Variants in PCDHA12 observed in about 807,000 individuals in gnomAD.
The protein encoded by PCDHA12 is protocadherin alpha 12.
Under a neutral mutation model 60.0 loss-of-function variants are expected in PCDHA12, and 44 were observed. That is an observed-to-expected ratio of 0.73 (90% CI 0.58 to 0.94). The LOEUF (loss-of-function observed/expected upper bound fraction) is 0.94. PCDHA12 is among the 40% of genes least tolerant of loss of function. The pLI is 0.00. For missense variants in PCDHA12, 1,276 were observed against 1,239.7 expected (o/e 1.03, Z -0.44); for synonymous variants, 569 against 553.0 (o/e 1.03, Z -0.40).
chr5:140,887,972 A>C (rs1169769147), intron 1 of PCDHA12, among the ~76,000 whole-genome samples: 1 of 152,114 alleles, frequency 6.6e-6, no homozygotes, highest in Non-Finnish European at 1.5e-5. Context: ...TCTCTTTTAA[A>C]ATTTATTTTA....
At chr5:140,912,170 T>C (rs961907962) in intron 1 of PCDHA12, among the ~76,000 whole-genome samples, 6 of 152,202 alleles carry the variant, frequency 3.9e-5, no homozygotes, top group African/African-American at 9.7e-5. Flanking sequence ...CTGGCTGTGC[T>C]GGCAGCTGAT....
intron 3 of PCDHA12, among the ~76,000 whole-genome samples, chr5:140,991,146 G>A (rs2097434554): frequency 6.6e-6 from 1 of 151,978 alleles, no homozygotes; most frequent in African/African-American, 2.4e-5. Context: ...AATGTTTTTT[G>A]CTCACCATTG....
At chr5:140,896,000 AG>A (rs1239259521) in intron 1 of PCDHA12, among the ~76,000 whole-genome samples, 1 of 152,064 alleles carries the variant, frequency 6.6e-6, no homozygotes, top group Non-Finnish European at 1.5e-5. Flanking sequence ...AAGTAGAGAC[AG>A]GGTTTCTCCA....
At chr5:140,969,347 G>C (rs1554231707) in intron 1 of PCDHA12, 1 of 1,613,472 alleles carries the variant, frequency 6.2e-7, no homozygotes, top group South Asian at 1.1e-5. Context: ...ACAGTGGTCA[G>C]GGGGTCTTCT....
Position 140,875,986 on chromosome 5 carries a change from T to C in PCDHA12, c.514T>C (p.Leu172=). ...IGVNSLLTYA[L]SLNENFELKI... The stretch of plus-strand genomic sequence containing the variant: ...CGTAAACTCTCTTTTGACCTATGCG[T>C]TAAGTCTAAATGAGAATTTTGAGCT... The change falls in exon 1 of 4, where the codon TTA becomes CTA. Residue 172 remains leucine, a synonymous_variant. Transcript: ENST00000398631. The C allele has an allele frequency of 6.2e-7, 1 of 1,613,998 alleles. No homozygotes were observed. The highest frequency in any genetic ancestry group is 2.2e-5 in the East Asian group (1 of 44,890).
At chr5:140,923,165 A>G (rs1307354165) in intron 1 of PCDHA12, among the ~76,000 whole-genome samples, 1 of 152,148 alleles carries the variant, frequency 6.6e-6, no homozygotes. Context: ...AGAAAGATAA[A>G]TTTTTGTTCA....
chr5:141,009,739 C>A lies in PCDHA12; in HGVS notation c.2628C>A (p.Pro876=), dbSNP rs370989006. Residue 876 remains proline, a synonymous_variant, in exon 4 of 4, where the codon CCC becomes CCA. Transcript: ENST00000398631. ...AACAATCCGGTCCCGGTGAGTTGCC[C>A]GACAAATTCATTATCCCAGGATCTC... ...NPKQSGPGEL[P]DKFIIPGSPA... 2 of 1,614,010 alleles carry A rather than the reference C, an allele frequency of 1.2e-6. No homozygotes were observed. Among genetic ancestry groups the A allele is most frequent in the Non-Finnish European group, 1.7e-6 (2 of 1,180,008 alleles).
In PCDHA12 at chr5:140,936,286, A is replaced by G. The variant is rs73266055; in HGVS notation, c.2368-42663A>G. Among the ~76,000 whole-genome samples the G allele has an allele frequency of 3.3e-3, 501 of 152,358 alleles. 2 individuals are homozygous for G. The highest frequency in any genetic ancestry group is 0.012 in the African/African-American group (482 of 41,580). On this transcript the variant is annotated intron_variant, in intron 1 of 3. Transcript: ENST00000398631. ...AAGATATATTCCTGTGTTTTCTTCT[A>G]TAACATTGCTATCCAATAGAACTTT...
chr5:140,988,021 T>C (rs2097278466), intron 3 of PCDHA12, among the ~76,000 whole-genome samples: 1 of 152,216 alleles, frequency 6.6e-6, no homozygotes. Context: ...AGCATGATTC[T>C]TAAGTTTTTT....
chr5:140,974,720 C>T (rs1554236283), intron 1 of PCDHA12, among the ~76,000 whole-genome samples: 1 of 152,070 alleles, frequency 6.6e-6, no homozygotes, highest in African/African-American at 2.4e-5. Context: ...AAGCTGCTCT[C>T]GAACTCCTGT....
At chr5:140,936,577 A>G (rs776415020) in intron 1 of PCDHA12, among the ~76,000 whole-genome samples, 1 of 152,186 alleles carries the variant, frequency 6.6e-6, no homozygotes, top group Non-Finnish European at 1.5e-5. Flanking sequence ...TCCACTTGTA[A>G]ATCCAGTTAG....
Position 140,963,207 on chromosome 5 carries a change from C to A in PCDHA12, c.2368-15742C>A, listed in dbSNP as rs180756619. Among the ~76,000 whole-genome samples, 890 of 148,428 alleles carry A rather than the reference C, an allele frequency of 6.0e-3. 8 individuals are homozygous for A. Among genetic ancestry groups the A allele is most frequent in the African/African-American group, 0.021 (788 of 38,366 alleles). On this transcript the variant is annotated intron_variant, in intron 1 of 3. Transcript: ENST00000398631. Reference sequence around the variant, plus strand: ...TAGACTGTGAAAATGAAAAAAAAAACCTCGTGTTTAGAGTAGACACTGTTT... The same window carrying A: ...TAGACTGTGAAAATGAAAAAAAAAAACTCGTGTTTAGAGTAGACACTGTTT...
chr5:140,876,732 C>T lies in PCDHA12; in HGVS notation c.1260C>T (p.Ala420=). Residue 420 remains alanine, a synonymous_variant, in exon 1 of 4, where the codon GCC becomes GCT. Coordinates refer to ENST00000398631, the MANE Select transcript of PCDHA12 (RefSeq NM_018903.4). ...DSALDRESVS[A]YELVVTARDG... ...CCCTGGACCGCGAGAGCGTGTCGGC[C>T]TATGAGCTGGTGGTGACTGCGCGGG... 1 of 1,614,246 alleles carries T rather than the reference C, an allele frequency of 6.2e-7. No homozygotes were observed. Among genetic ancestry groups the T allele is most frequent in the South Asian group, 1.1e-5 (1 of 91,088 alleles).
At chr5:141,005,500 G>A (rs954556024) in intron 3 of PCDHA12, among the ~76,000 whole-genome samples, 2 of 151,574 alleles carry the variant, frequency 1.3e-5, no homozygotes, top group East Asian at 1.9e-4. Flanking sequence ...TCAGGAGATC[G>A]AGACCATCCT....
intron 3 of PCDHA12, among the ~76,000 whole-genome samples, chr5:140,995,888 T>C (rs1307052037): frequency 3.3e-5 from 5 of 152,216 alleles, no homozygotes; most frequent in Non-Finnish European, 5.9e-5. Flanking sequence ...GCTTCAGATT[T>C]ATCAATGTAT....
intron 3 of PCDHA12, among the ~76,000 whole-genome samples, chr5:141,004,826 G>A (rs2098183640): frequency 6.6e-6 from 1 of 152,112 alleles, no homozygotes; most frequent in East Asian, 1.9e-4. Flanking sequence ...GATTAACTTA[G>A]ATAGATCAAA....
intron 1 of PCDHA12, among the ~76,000 whole-genome samples, chr5:140,934,524 G>A (rs181182103): frequency 4.4e-4 from 67 of 152,192 alleles, no homozygotes; most frequent in Admixed American, 3.1e-3. Context: ...ACCACACTTC[G>A]AGAGCTACCG....
chr5:140,889,232 C>T (rs1365146997), intron 1 of PCDHA12, among the ~76,000 whole-genome samples: 6 of 151,736 alleles, frequency 4.0e-5, no homozygotes, highest in African/African-American at 1.4e-4. Context: ...TTGAAAACTT[C>T]CAGAAAATTT....
At chr5:140,978,048 C>T (rs2096787371) in intron 1 of PCDHA12, among the ~76,000 whole-genome samples, 1 of 152,146 alleles carries the variant, frequency 6.6e-6, no homozygotes, top group African/African-American at 2.4e-5. Flanking sequence ...GTGATGGTGA[C>T]TGATGATGTC....
Sources: allele counts gnomAD v4.1 joint callset (sites outside exome capture counted in the v4.1 genomes callset), GRCh38; gene constraint gnomAD v4.1.1; transcripts MANE v1.5; gene names NCBI Gene and HGNC (gene_info 2026-07-23, HGNC 2026-07-21).